The following MEF2A variants were observed in gnomAD, a reference collection of about 807,000 sequenced individuals.
MEF2A encodes myocyte-specific enhancer factor 2A.
Under a neutral mutation model 55.8 loss-of-function variants are expected in MEF2A, and 28 were observed. That is an observed-to-expected ratio of 0.50 (90% CI 0.37 to 0.69). The LOEUF is 0.69. Ranked by LOEUF, MEF2A falls within the 30% of genes least tolerant of loss-of-function variation. MEF2A has a pLI of 0.00. For missense variants in MEF2A, 528 were observed against 626.2 expected, an observed-to-expected ratio of 0.84 and a Z score of 1.67; for synonymous variants, 239 against 227.1, an observed-to-expected ratio of 1.05 and a Z score of -0.47.
rs1184538733 is a variant in MEF2A, at chr15:99,619,799, C to CT, written c.-142-13175dup. ...TGGATTTTCCTGTTATAAAAAGTCA[C>CT]TTTTACTTAGAAATTGTCAGGTGCC... On this transcript the variant is annotated intron_variant, in intron 2 of 11. Coordinates refer to ENST00000557942, the MANE Select transcript of MEF2A (RefSeq NM_001319206.4). Among the ~76,000 whole-genome samples, 4 of 152,168 alleles carry CT rather than the reference C, an allele frequency of 2.6e-5. No individual in the cohort carries two copies. The East Asian group carries it at 7.7e-4, about 29-fold the overall frequency.
At chr15:99,691,543 C>T (rs929858086) in intron 8 of MEF2A, among the ~76,000 whole-genome samples, 1 of 149,400 alleles carries the variant, frequency 6.7e-6, no homozygotes, top group Non-Finnish European at 1.5e-5. Flanking sequence ...ACTAAAAATA[C>T]GAAAATTAGC....
At chr15:99,567,292 T>A (rs1960080541) in intron 1 of MEF2A, among the ~76,000 whole-genome samples, 1 of 152,238 alleles carries the variant, frequency 6.6e-6, no homozygotes, top group Admixed American at 6.5e-5. Context: ...AACATTGTCT[T>A]AACATTTTTT....
In MEF2A at chr15:99,712,543, G is replaced by A. The variant is rs541112324; in HGVS notation, c.1290G>A (p.Pro430=). Residue 430 remains proline (P), a synonymous_variant, in exon 12 of 12, where the codon CCG becomes CCA. Coordinates refer to ENST00000557942, the MANE Select transcript of MEF2A (RefSeq NM_001319206.4). This position sits in a 1 kb window ranked among gnomAD's most constrained non-coding sequence, Gnocchi z 4.1. ...AGCAGCAGCAGCAGCAGCAGCCGCC[G>A]CCACCACCGCAGCCCCAGCCACAAC... is the stretch of plus-strand genomic sequence containing the variant. ...QQQQQQQQQP[P]PPPQPQPQPP... 357 of 1,550,414 alleles carry A rather than the reference G, an allele frequency of 2.3e-4. No homozygotes were observed. The highest frequency in any genetic ancestry group is 1.9e-3 in the African/African-American group (139 of 72,992).
chr15:99,609,516 G>A (rs1381414296), intron 2 of MEF2A, among the ~76,000 whole-genome samples: 2 of 152,074 alleles, frequency 1.3e-5, no homozygotes, highest in Non-Finnish European at 2.9e-5. Context: ...CTGTGATTGT[G>A]TTTGTACGAC....
chr15:99,685,036 G>T (rs983843156), intron 7 of MEF2A, among the ~76,000 whole-genome samples: 4 of 152,114 alleles, frequency 2.6e-5, no homozygotes, highest in African/African-American at 9.7e-5. Context: ...TTTCTATTCT[G>T]TTCCATTGGT....
chr15:99,690,595 C>G (rs750658112), intron 8 of MEF2A, 167 bp downstream of exon 8: 2 of 752,772 alleles, frequency 2.7e-6, no homozygotes, highest in Admixed American at 2.0e-5. Flanking sequence ...ATTTCAAATA[C>G]ACAAAAATCA....
chr15:99,656,843 A>T (rs2047808659), intron 4 of MEF2A, among the ~76,000 whole-genome samples: 2 of 151,424 alleles, frequency 1.3e-5, no homozygotes. Flanking sequence ...AGTGTAGATT[A>T]TGCAGTTCAG....
chr15:99,694,254 A>G (rs936645316), intron 8 of MEF2A, among the ~76,000 whole-genome samples: 1 of 152,188 alleles, frequency 6.6e-6, no homozygotes, highest in African/African-American at 2.4e-5. Context: ...TCTCATGCTT[A>G]TACTGTGGTT....
At chr15:99,706,642 G>A in intron 9 of MEF2A, 87 bp from the exon 10 acceptor site, 2 of 1,466,260 alleles carry the variant, frequency 1.4e-6, no homozygotes, top group Admixed American at 1.7e-5. Context: ...ATATGAAACT[G>A]TGAAAAATGT....
intron 10 of MEF2A, 75 bp downstream of exon 10, chr15:99,706,930 T>A (rs946741668): frequency 1.3e-6 from 2 of 1,482,008 alleles, no homozygotes; most frequent in African/African-American, 2.8e-5. Flanking sequence ...CTGTGATTTT[T>A]TTTAAGTATA....
At chr15:99,678,680 G>GATCA in intron 7 of MEF2A, 1 of 984,818 alleles carries the variant, frequency 1.0e-6, no homozygotes, top group South Asian at 4.7e-5. Flanking sequence ...AGGCATCCTT[G>GATCA]AGACTTTTAA....
At chr15:99,598,309 C>A (rs1180081505) in intron 1 of MEF2A, 121 bp from the exon 2 acceptor site, 1 of 152,066 alleles carries the variant, frequency 6.6e-6, no homozygotes, top group Non-Finnish European at 1.5e-5. Flanking sequence ...TTTCATTTAA[C>A]AGTATTTGTG....
chr15:99,576,795 C>G (rs1438425802), intron 1 of MEF2A, among the ~76,000 whole-genome samples: 1 of 151,950 alleles, frequency 6.6e-6, no homozygotes, highest in South Asian at 2.1e-4. Flanking sequence ...CGCCTGCCAC[C>G]GCGCCCGGCT....
At chr15:99,608,935 T>C (rs919486252) in intron 2 of MEF2A, among the ~76,000 whole-genome samples, 1 of 152,108 alleles carries the variant, frequency 6.6e-6, no homozygotes, top group Admixed American at 6.6e-5. Context: ...TTTGTTGTTC[T>C]GATTTTAGGC....
intron 4 of MEF2A, among the ~76,000 whole-genome samples, chr15:99,648,536 T>C (rs892453417): frequency 6.6e-6 from 1 of 152,104 alleles, no homozygotes; most frequent in Non-Finnish European, 1.5e-5. Context: ...ATTTCTAAAG[T>C]ATATGACCAA....
chr15:99,652,202 G>A (rs2153520107), intron 4 of MEF2A, among the ~76,000 whole-genome samples: 1 of 152,250 alleles, frequency 6.6e-6, no homozygotes, highest in East Asian at 1.9e-4. Flanking sequence ...GTTGGGGGTG[G>A]GAGGAATGTG....
At chr15:99,581,302 C>A (rs1965842229) in intron 1 of MEF2A, among the ~76,000 whole-genome samples, 1 of 152,082 alleles carries the variant, frequency 6.6e-6, no homozygotes, top group Non-Finnish European at 1.5e-5. Flanking sequence ...AAATTAAAAT[C>A]TTTTGCTATT....
chr15:99,566,564 GA>G (rs1297915876), intron 1 of MEF2A: 1 of 152,254 alleles, frequency 6.6e-6, no homozygotes, highest in Non-Finnish European at 1.5e-5. Context: ...TCGCCTCCTT[GA>G]AAGTTGAAGG....
At chr15:99,631,774 TGAA>T (rs1420956967) in intron 2 of MEF2A, among the ~76,000 whole-genome samples, 2 of 152,072 alleles carry the variant, frequency 1.3e-5, no homozygotes, top group Non-Finnish European at 2.9e-5. Flanking sequence ...TTTGTATCAA[TGAA>T]GAAATAAAAT....
Sources: gnomAD v4.1 joint callset for allele counts (sites outside exome capture counted in the v4.1 genomes callset) on GRCh38, gnomAD v4.1.1 for gene constraint, Gnocchi (gnomAD v3.1) non-coding constraint, MANE v1.5 for transcripts, NCBI Gene and HGNC (gene_info 2026-07-23, HGNC 2026-07-21) for gene names.